PTPN12: variants seen among roughly 807,000 people sequenced by gnomAD.
The protein encoded by PTPN12 is protein tyrosine phosphatase non-receptor type 12, also known as tyrosine-protein phosphatase non-receptor type 12.
Under a neutral mutation model 97.6 loss-of-function variants are expected in PTPN12, and 29 were observed. That is an observed-to-expected ratio of 0.30 (90% CI 0.22 to 0.41). PTPN12 has a LOEUF of 0.41. Among genes scored for constraint, PTPN12 ranks in the 10% least tolerant of loss-of-function variants. The pLI is 1.00. For synonymous variants in PTPN12, 327 were observed against 300.4 expected, an observed-to-expected ratio of 1.09 and a Z score of -0.91; for missense variants, 819 against 926.0, an observed-to-expected ratio of 0.88 and a Z score of 1.50.
intron 8 of PTPN12, 45 bp from the exon 9 acceptor site, chr7:77,607,190 G>T: frequency 3.6e-6 from 5 of 1,408,286 alleles, no homozygotes; most frequent in Admixed American, 2.1e-5. Flanking sequence ...TTTTATAGTT[G>T]TTTTATCACA....
intron 11 of PTPN12, 135 bp downstream of exon 11, chr7:77,611,181 A>T: frequency 3.1e-6 from 2 of 637,736 alleles, no homozygotes; most frequent in Non-Finnish European, 2.7e-6. Flanking sequence ...TTTTACTTAA[A>T]CTCATTTCCT....
chr7:77,545,655 A>G (rs894193672), intron 1 of PTPN12: 1 of 151,664 alleles, frequency 6.6e-6, no homozygotes, highest in African/African-American at 2.4e-5. Flanking sequence ...TTCACCTGGA[A>G]GTTTTCATCC....
chr7:77,580,942 A>C (rs972672347), intron 2 of PTPN12, among the ~76,000 whole-genome samples: 1 of 152,230 alleles, frequency 6.6e-6, no homozygotes, highest in Admixed American at 6.5e-5. Flanking sequence ...CTAGTAAATC[A>C]GAGATAATGT....
intron 8 of PTPN12, among the ~76,000 whole-genome samples, chr7:77,604,265 GAGTGCAAT>G (rs1788285563): frequency 7.8e-6 from 1 of 127,544 alleles, no homozygotes; most frequent in Non-Finnish European, 1.6e-5. Flanking sequence ...GCCTGGGCTG[GAGTGCAAT>G]GGTGCGATCT....
intron 9 of PTPN12, among the ~76,000 whole-genome samples, chr7:77,607,591 G>A (rs1256349206): frequency 1.3e-5 from 2 of 152,016 alleles, no homozygotes; most frequent in African/African-American, 4.8e-5. Context: ...AAAATAAAAT[G>A]ATTATAAAAA....
chr7:77,584,249 A>T (rs550267357), intron 4 of PTPN12, among the ~76,000 whole-genome samples: 36 of 152,320 alleles, frequency 2.4e-4, no homozygotes, highest in African/African-American at 8.2e-4. Flanking sequence ...CAGTAATGTG[A>T]AACTTTCATT....
intron 9 of PTPN12, among the ~76,000 whole-genome samples, chr7:77,609,990 A>G (rs1020996059): frequency 6.6e-6 from 1 of 152,186 alleles, no homozygotes; most frequent in African/African-American, 2.4e-5. Context: ...TCACTCCAAA[A>G]TATTCTTGTT....
At chr7:77,606,190 G>A (rs1327538594) in intron 8 of PTPN12, among the ~76,000 whole-genome samples, 1 of 152,018 alleles carries the variant, frequency 6.6e-6, no homozygotes, top group Non-Finnish European at 1.5e-5. Context: ...CTGACCTCAA[G>A]TGATCCACCG....
intron 13 of PTPN12, among the ~76,000 whole-genome samples, chr7:77,628,458 T>G (rs1789279485): frequency 6.6e-6 from 1 of 152,154 alleles, no homozygotes; most frequent in East Asian, 1.9e-4. Flanking sequence ...TATTGATATA[T>G]TGATTATCAG....
chr7:77,569,779 C>CT (rs1157059833), intron 1 of PTPN12, among the ~76,000 whole-genome samples: 1 of 152,112 alleles, frequency 6.6e-6, no homozygotes, highest in Non-Finnish European at 1.5e-5. Context: ...TCAAAACAAA[C>CT]AAACAAAGTG....
At position 77,598,040 on chromosome 7, in the gene PTPN12, C is replaced by A; in HGVS notation, c.552+139C>A. The A allele has an allele frequency of 2.6e-6, 3 of 1,142,708 alleles. No individual in the cohort carries two copies. The South Asian group carries it at 6.2e-5, about 24-fold the overall frequency. 70.8% of individuals were successfully genotyped at this position (1,142,708 alleles called of 1,614,324 possible). A position where few individuals can be genotyped will look rare whatever the true frequency, so the allele number is the denominator to read the frequency against. ...TCCAGGGGTTCAAGACTAGCCTGGG[C>A]AACATAGTGAGATCTTGTGTCTACA... On this transcript the variant is annotated intron_variant, in intron 7 of 17. Coordinates refer to ENST00000248594, the MANE Select transcript of PTPN12 (RefSeq NM_002835.4).
At chr7:77,547,827 T>G (rs1807293378) in intron 1 of PTPN12, among the ~76,000 whole-genome samples, 1 of 152,132 alleles carries the variant, frequency 6.6e-6, no homozygotes, top group Non-Finnish European at 1.5e-5. Context: ...TTCAAAGACT[T>G]GGAGATAAAC....
chr7:77,576,577 G>A (rs1211837605), intron 2 of PTPN12, among the ~76,000 whole-genome samples: 1 of 152,046 alleles, frequency 6.6e-6, no homozygotes, highest in East Asian at 1.9e-4. Context: ...CGTGCCTGTA[G>A]TCCCAGCTAC....
rs1474867471 is a variant in PTPN12 at position 77,589,393 on chromosome 7, G to T, written c.421-2792G>T. Among the ~76,000 whole-genome samples the T allele has an allele frequency of 4.6e-5, 7 of 152,210 alleles. No individual in the cohort carries two copies. The East Asian group carries it at 1.3e-3, about 29-fold the overall frequency. On this transcript the variant is annotated intron_variant, in intron 5 of 17. Transcript: ENST00000248594. ...TGTAGGAGGTAATGATATATTTACA[G>T]ATAATTCATATTTAAATAAAACTTA...
chr7:77,597,033 C>A (rs974632476), intron 6 of PTPN12, among the ~76,000 whole-genome samples: 1 of 152,138 alleles, frequency 6.6e-6, no homozygotes, highest in Non-Finnish European at 1.5e-5. Flanking sequence ...CCTATTCATT[C>A]ATCTCACCCC....
chr7:77,589,768 A>G (rs937782595), intron 5 of PTPN12, among the ~76,000 whole-genome samples: 5 of 152,172 alleles, frequency 3.3e-5, no homozygotes, highest in African/African-American at 1.2e-4. Context: ...CATTAATATT[A>G]TTAATCAATT....
At chr7:77,539,795 A>G (rs534246431) in intron 1 of PTPN12, among the ~76,000 whole-genome samples, 10 of 152,138 alleles carry the variant, frequency 6.6e-5, no homozygotes, top group African/African-American at 2.4e-4. Flanking sequence ...CGCCCGGCTA[A>G]TTTTTGTCCG....
intron 1 of PTPN12, among the ~76,000 whole-genome samples, chr7:77,553,605 C>G (rs899237609): frequency 6.6e-6 from 1 of 152,154 alleles, no homozygotes. Flanking sequence ...AATAACTAGT[C>G]TCATTTTATT....
intron 14 of PTPN12, 77 bp downstream of exon 14, chr7:77,632,502 A>G (rs902138030): frequency 1.7e-5 from 19 of 1,091,520 alleles, no homozygotes; most frequent in African/African-American, 4.6e-5. Context: ...ATTTTAATCT[A>G]TTAGCTATTG....
Sources: allele counts gnomAD v4.1 joint callset (sites outside exome capture counted in the v4.1 genomes callset), GRCh38; gene constraint gnomAD v4.1.1; transcripts MANE v1.5; gene names NCBI Gene and HGNC (gene_info 2026-07-23, HGNC 2026-07-21).